CADPS2: variants seen among roughly 807,000 people sequenced by gnomAD.
CADPS2 encodes the protein calcium dependent secretion activator 2.
Under a neutral mutation model 172.5 loss-of-function variants are expected in CADPS2, and 93 were observed. That is an observed-to-expected ratio of 0.54 (90% CI 0.46 to 0.64). CADPS2 has a LOEUF of 0.64. CADPS2 is among the 30% of genes least tolerant of loss of function. The pLI is 0.00. For missense variants in CADPS2, 1,420 were observed against 1,565.9 expected (o/e 0.91, Z 1.57); for synonymous variants, 546 against 555.2 (o/e 0.98, Z 0.23).
In CADPS2 at chr7:122,554,549, C is replaced by A; in HGVS notation, c.1475+1G>T. The A allele has an allele frequency of 6.3e-7, 1 of 1,587,932 alleles. No individual in the cohort carries two copies. Among genetic ancestry groups the A allele is most frequent in the Non-Finnish European group, 8.5e-7 (1 of 1,170,388 alleles). On this transcript the variant is annotated splice_donor_variant, in intron 8 of 29. Coordinates refer to ENST00000449022, the MANE Select transcript of CADPS2 (RefSeq NM_017954.11). LOFTEE classifies it high-confidence loss of function. ...AAAAAAATCCTCAAATTTATACTCA[C>A]CCACTATGCTTCATATGTGCTGGTT... is the stretch of plus-strand genomic sequence containing the variant.
chr7:122,587,410 C>G (rs1367074334), intron 6 of CADPS2, among the ~76,000 whole-genome samples: 1 of 152,086 alleles, frequency 6.6e-6, no homozygotes, highest in Admixed American at 6.6e-5. Flanking sequence ...ATAATGGCTT[C>G]CAGCTTCATC....
intron 8 of CADPS2, among the ~76,000 whole-genome samples, chr7:122,551,452 CAT>C (rs1471948364): frequency 6.6e-6 from 1 of 151,842 alleles, no homozygotes; most frequent in East Asian, 1.9e-4. Flanking sequence ...ATATAAATAA[CAT>C]TGATAAAAAT....
intron 1 of CADPS2, among the ~76,000 whole-genome samples, chr7:122,822,271 A>G (rs1043815214): frequency 2.0e-5 from 3 of 151,956 alleles, no homozygotes; most frequent in East Asian, 3.9e-4. Flanking sequence ...TATTCCATTT[A>G]ATTTCTCAAT....
chr7:122,879,129 C>T (rs776168104), intron 1 of CADPS2, among the ~76,000 whole-genome samples: 5 of 151,060 alleles, frequency 3.3e-5, no homozygotes, highest in Admixed American at 6.6e-5. Flanking sequence ...CCCAGCTACT[C>T]GAGAGGCCGA....
chr7:122,464,428 G>A (rs1393779370), intron 14 of CADPS2, among the ~76,000 whole-genome samples: 1 of 152,148 alleles, frequency 6.6e-6, no homozygotes, highest in Non-Finnish European at 1.5e-5. Context: ...TCTGAATAAC[G>A]TATGCAGATA....
At chr7:122,543,919 G>T (rs1208011875) in intron 8 of CADPS2, among the ~76,000 whole-genome samples, 1 of 152,158 alleles carries the variant, frequency 6.6e-6, no homozygotes. Flanking sequence ...GAAGGCAGTG[G>T]ATGGTAAAAG....
intron 1 of CADPS2, among the ~76,000 whole-genome samples, chr7:122,738,645 G>T (rs879441336): frequency 6.6e-6 from 1 of 151,966 alleles, no homozygotes; most frequent in Non-Finnish European, 1.5e-5. Flanking sequence ...GTATGACTTG[G>T]CTCAAAAAGA....
At position 122,546,742 on chromosome 7, in the gene CADPS2, G is replaced by A. The variant is rs139533223; in HGVS notation, c.1475+7808C>T. Among the ~76,000 whole-genome samples, 84 of 152,224 alleles carry A rather than the reference G, an allele frequency of 5.5e-4. No individual in the cohort carries two copies. In the East Asian group the frequency reaches 9.9e-3, roughly 18 times the overall value. ...TGCTCTGACTCTGAAATCTTTGCAAGTCTTGGTACTGTCAGCCCATGCTTT... is the reference window on the plus strand; with the variant it reads ...TGCTCTGACTCTGAAATCTTTGCAAATCTTGGTACTGTCAGCCCATGCTTT... On this transcript the variant is annotated intron_variant, in intron 8 of 29. Transcript: ENST00000449022.
At chr7:122,637,171 CTTTT>C (rs71161313) in intron 3 of CADPS2, among the ~76,000 whole-genome samples, 162 of 53,782 alleles carry the variant, frequency 3.0e-3, no homozygotes, top group Non-Finnish European at 5.1e-3. Flanking sequence ...TGAAATTTTG[CTTTT>C]TTTTTTTTTT....
At chr7:122,580,030 ATCT>A (rs899961856) in intron 7 of CADPS2, among the ~76,000 whole-genome samples, 2 of 152,292 alleles carry the variant, frequency 1.3e-5, no homozygotes, top group Admixed American at 1.3e-4. Flanking sequence ...TGATCCTAGC[ATCT>A]TTTTGCATCT....
intron 14 of CADPS2, among the ~76,000 whole-genome samples, chr7:122,465,452 C>G (rs968359290): frequency 6.6e-6 from 1 of 152,174 alleles, no homozygotes; most frequent in Non-Finnish European, 1.5e-5. Flanking sequence ...CTGGGCCATA[C>G]AGCAGGAGGT....
intron 14 of CADPS2, among the ~76,000 whole-genome samples, chr7:122,461,020 C>T (rs928161957): frequency 3.3e-5 from 5 of 152,042 alleles, no homozygotes; most frequent in African/African-American, 9.7e-5. Flanking sequence ...ACAGCAATGG[C>T]GGAGTTGTAT....
intron 8 of CADPS2, among the ~76,000 whole-genome samples, chr7:122,524,850 T>G (rs1369289041): frequency 6.6e-6 from 1 of 152,176 alleles, no homozygotes; most frequent in South Asian, 2.1e-4. Context: ...TACGTATCTA[T>G]AAAAATGTAT....
chr7:122,396,598 T>C (rs2045166216), intron 20 of CADPS2, among the ~76,000 whole-genome samples: 2 of 152,226 alleles, frequency 1.3e-5, no homozygotes, highest in African/African-American at 2.4e-5. Context: ...CTCCAGCTCA[T>C]TTCTGTTGTC....
At chr7:122,446,691 CT>C (rs2052260067) in intron 15 of CADPS2, among the ~76,000 whole-genome samples, 1 of 152,256 alleles carries the variant, frequency 6.6e-6, no homozygotes, top group African/African-American at 2.4e-5. Flanking sequence ...TTGCAAATAG[CT>C]GTAGCTCTCT....
intron 1 of CADPS2, among the ~76,000 whole-genome samples, chr7:122,884,314 C>A (rs142942403): frequency 2.1e-3 from 326 of 152,174 alleles, no homozygotes; most frequent in African/African-American, 7.4e-3. Context: ...TGAGAAGAGG[C>A]CACGGGTGAC....
intron 20 of CADPS2, among the ~76,000 whole-genome samples, chr7:122,405,944 T>A (rs931195552): frequency 3.3e-5 from 5 of 152,188 alleles, no homozygotes; most frequent in Admixed American, 1.3e-4. Flanking sequence ...TTTCCTTCTT[T>A]TATAGATATA....
At chr7:122,456,189 T>G (rs1443394628) in intron 14 of CADPS2, among the ~76,000 whole-genome samples, 2 of 152,014 alleles carry the variant, frequency 1.3e-5, no homozygotes, top group Admixed American at 1.3e-4. Context: ...CTTTAAATCT[T>G]AAGAATAGAA....
chr7:122,510,421 A>G (rs2059925975), intron 9 of CADPS2, among the ~76,000 whole-genome samples: 1 of 152,190 alleles, frequency 6.6e-6, no homozygotes, highest in African/African-American at 2.4e-5. Context: ...TTTGACTCCA[A>G]TTTAAATGTT....
Sources: allele counts gnomAD v4.1 joint callset (sites outside exome capture counted in the v4.1 genomes callset), GRCh38; gene constraint gnomAD v4.1.1; transcripts MANE v1.5; gene names NCBI Gene and HGNC (gene_info 2026-07-23, HGNC 2026-07-21).